CD44: variants seen among roughly 807,000 people sequenced by gnomAD.
CD44 encodes the protein CD44 molecule (IN blood group).
A neutral mutation model predicts 88.8 loss-of-function variants in CD44; 49 were observed. The ratio of observed to expected loss-of-function variants is 0.55; its 90% CI spans 0.44 to 0.70. CD44 has a LOEUF of 0.70. Ranked by LOEUF, CD44 falls within the 30% of genes least tolerant of loss-of-function variation. The pLI, the probability that CD44 is intolerant of heterozygous loss-of-function variation, is 0.00. For synonymous variants in CD44, 325 were observed against 312.3 expected (o/e 1.04, Z -0.43); for missense variants, 883 against 913.8 (o/e 0.97, Z 0.43).
chr11:35,211,019 TTC>T (rs952636970), intron 13 of CD44, among the ~76,000 whole-genome samples: 6 of 152,182 alleles, frequency 3.9e-5, no homozygotes, highest in Admixed American at 2.0e-4. Context: ...CAAATGCCAA[TTC>T]TGGGTATTAA....
intron 5 of CD44, chr11:35,190,458 G>A (rs952401328): frequency 2.2e-5 from 5 of 223,048 alleles, no homozygotes; most frequent in Admixed American, 2.1e-4. Context: ...CATAAAGTTG[G>A]GATCATAGAG....
intron 1 of CD44, among the ~76,000 whole-genome samples, chr11:35,153,373 C>A (rs78373290): frequency 0.012 from 1,900 of 152,234 alleles, 49 homozygotes; most frequent in African/African-American, 0.044. Context: ...GGAACTGGTT[C>A]CCTGTGCACA....
chr11:35,194,472 A>G (rs910981777), intron 5 of CD44, among the ~76,000 whole-genome samples: 2 of 152,230 alleles, frequency 1.3e-5, no homozygotes, highest in African/African-American at 4.8e-5. Flanking sequence ...GGAGCAAAAT[A>G]ACTAGATATG....
At chr11:35,150,775 T>C (rs552082724) in intron 1 of CD44, among the ~76,000 whole-genome samples, 1 of 152,350 alleles carries the variant, frequency 6.6e-6, no homozygotes, top group South Asian at 2.1e-4. Context: ...AACCCACTCA[T>C]AGCCAGGAGA....
At chr11:35,159,514 G>A (rs529229352) in intron 1 of CD44, among the ~76,000 whole-genome samples, 107 of 152,102 alleles carry the variant, frequency 7.0e-4, no homozygotes, top group Non-Finnish European at 1.1e-3. Flanking sequence ...CCTTTGCAGC[G>A]GGGAAGACTG....
chr11:35,140,190 C>G (rs571348994), intron 1 of CD44, among the ~76,000 whole-genome samples: 10 of 152,328 alleles, frequency 6.6e-5, no homozygotes, highest in Admixed American at 2.6e-4. Flanking sequence ...ATCAGGGACC[C>G]TGGAGCTAGG....
At chr11:35,188,536 A>G (rs1945929094) in intron 4 of CD44, among the ~76,000 whole-genome samples, 1 of 152,224 alleles carries the variant, frequency 6.6e-6, no homozygotes, top group East Asian at 1.9e-4. Flanking sequence ...TTTGAAGTCC[A>G]GACATGTAAG....
chr11:35,170,450 T>A (rs1473934248), intron 1 of CD44, among the ~76,000 whole-genome samples: 1 of 152,214 alleles, frequency 6.6e-6, no homozygotes, highest in East Asian at 1.9e-4. Context: ...ATGACCCCTC[T>A]GTGCTGCCCA....
At chr11:35,184,896 T>G (rs1296416824) in intron 3 of CD44, among the ~76,000 whole-genome samples, 1 of 152,248 alleles carries the variant, frequency 6.6e-6, no homozygotes, top group Non-Finnish European at 1.5e-5. Context: ...ACTGGAAGAA[T>G]AGACCCTTGG....
intron 2 of CD44, among the ~76,000 whole-genome samples, chr11:35,179,410 A>G (rs1367845224): frequency 1.3e-5 from 2 of 152,218 alleles, no homozygotes; most frequent in African/African-American, 4.8e-5. Flanking sequence ...AGCACAATTA[A>G]AAAATAAGCA....
At chr11:35,223,100 T>C in intron 17 of CD44, 1 of 985,156 alleles carries the variant, frequency 1.0e-6, no homozygotes. Flanking sequence ...TCTATACCAT[T>C]GAGGGCATAG....
chr11:35,225,088 T>C (rs887949432), intron 17 of CD44, among the ~76,000 whole-genome samples: 2 of 123,738 alleles, frequency 1.6e-5, no homozygotes, highest in Non-Finnish European at 3.8e-5. Flanking sequence ...AATATATAAC[T>C]ACTAGCCACA....
chr11:35,148,133 C>T (rs140885745), intron 1 of CD44, among the ~76,000 whole-genome samples: 75 of 152,050 alleles, frequency 4.9e-4, no homozygotes, highest in African/African-American at 1.8e-3. Context: ...CAATTCCATG[C>T]AGCCAACACC....
chr11:35,141,693 G>A (rs769605468), intron 1 of CD44, among the ~76,000 whole-genome samples: 1 of 152,118 alleles, frequency 6.6e-6, no homozygotes, highest in Non-Finnish European at 1.5e-5. Context: ...GTGTTTCCAC[G>A]GCCCCTTTGC....
intron 1 of CD44, among the ~76,000 whole-genome samples, chr11:35,143,696 G>A (rs1448654827): frequency 2.0e-5 from 3 of 148,616 alleles, no homozygotes; most frequent in Admixed American, 6.6e-5. Flanking sequence ...CTCCATCCCC[G>A]GCAGGCTGTG....
At chr11:35,209,913 G>A (rs1343209387) in intron 12 of CD44, 52 bp from the exon 13 acceptor site, 1 of 1,222,316 alleles carries the variant, frequency 8.2e-7, no homozygotes, top group Non-Finnish European at 1.2e-6. Context: ...CAGATAACAG[G>A]ATTTGTACCG....
intron 11 of CD44, among the ~76,000 whole-genome samples, chr11:35,206,791 G>A (rs1947909248): frequency 6.6e-6 from 1 of 152,198 alleles, no homozygotes; most frequent in South Asian, 2.1e-4. Context: ...TGTTTGAATG[G>A]CTAGGCAGGG....
chr11:35,204,794 C>A (rs890697786), intron 10 of CD44, 154 bp downstream of exon 10: 14 of 648,876 alleles, frequency 2.2e-5, no homozygotes, highest in Non-Finnish European at 3.1e-5. Flanking sequence ...AGAGCCAAAC[C>A]TTAAAGGCTC....
intron 11 of CD44, among the ~76,000 whole-genome samples, chr11:35,207,487 A>G (rs756771735): frequency 1.3e-5 from 2 of 152,202 alleles, no homozygotes; most frequent in Non-Finnish European, 2.9e-5. Flanking sequence ...TTTCTGCACT[A>G]CTCAACATTG....
Sources: allele counts gnomAD v4.1 joint callset (sites outside exome capture counted in the v4.1 genomes callset), GRCh38; gene constraint gnomAD v4.1.1; transcripts MANE v1.5; gene names NCBI Gene and HGNC (gene_info 2026-07-23, HGNC 2026-07-21).